Variants in MYO16 observed in about 807,000 individuals in gnomAD.
The protein encoded by MYO16 is myosin XVI.
A neutral mutation model predicts 205.3 loss-of-function variants in MYO16; 94 were observed. The observed-to-expected ratio is 0.46, with a 90% confidence interval of 0.39 to 0.54. MYO16 has a LOEUF of 0.54. Among genes scored for constraint, MYO16 ranks in the 20% least tolerant of loss-of-function variants. MYO16 has a pLI of 0.00. For synonymous variants in MYO16, 988 were observed against 954.0 expected (o/e 1.04, Z -0.66); for missense variants, 2,315 against 2,387.5 (o/e 0.97, Z 0.63).
At chr13:109,176,577 T>TTAAAAAAAAAAAAAAAA (rs1879189364) in intron 33 of MYO16, among the ~76,000 whole-genome samples, 4 of 44,942 alleles carry the variant, frequency 8.9e-5, no homozygotes, top group Non-Finnish European at 1.1e-4. Flanking sequence ...ATTGTGCTGG[T>TTAAAAAAAAAAAAAAAA]AAAAAAAAAA....
At chr13:108,663,516 A>G (rs1348824649) in intron 1 of MYO16, among the ~76,000 whole-genome samples, 1 of 152,216 alleles carries the variant, frequency 6.6e-6, no homozygotes, top group East Asian at 1.9e-4. Flanking sequence ...TACATTAAAA[A>G]TCAAGATTTG....
At chr13:108,878,264 A>T (rs894808732) in intron 12 of MYO16, among the ~76,000 whole-genome samples, 3 of 152,088 alleles carry the variant, frequency 2.0e-5, no homozygotes, top group African/African-American at 7.2e-5. Context: ...CCATGACCCC[A>T]TCCTGTACCC....
intron 28 of MYO16, among the ~76,000 whole-genome samples, chr13:109,102,473 T>C (rs1246370051): frequency 7.7e-6 from 1 of 129,734 alleles, no homozygotes; most frequent in African/African-American, 2.9e-5. Flanking sequence ...CATATATGTA[T>C]ATGTATGTGT....
At chr13:109,165,515 C>T (rs976667423) in intron 33 of MYO16, among the ~76,000 whole-genome samples, 6 of 152,148 alleles carry the variant, frequency 3.9e-5, no homozygotes, top group African/African-American at 1.2e-4. Flanking sequence ...CTGAGGATCA[C>T]GCAAGTATTT....
chr13:108,958,372 C>T (rs900515263), intron 17 of MYO16, among the ~76,000 whole-genome samples: 3 of 151,722 alleles, frequency 2.0e-5, no homozygotes, highest in African/African-American at 7.3e-5. Context: ...TGAAAATTAA[C>T]ATAATCACCT....
At chr13:108,764,574 C>G (rs1195660881) in intron 4 of MYO16, among the ~76,000 whole-genome samples, 1 of 152,082 alleles carries the variant, frequency 6.6e-6, no homozygotes, top group African/African-American at 2.4e-5. Flanking sequence ...TGGTACGTAT[C>G]AGGGGAGATG....
the MYO16 span, among the ~76,000 whole-genome samples, chr13:108,576,454 T>C: frequency 6.6e-6 from 1 of 152,002 alleles, no homozygotes; most frequent in Non-Finnish European, 1.5e-5. Flanking sequence ...ACTGAAGGAG[T>C]GAAATGGAAG....
intron 23 of MYO16, among the ~76,000 whole-genome samples, chr13:109,023,272 AAT>A (rs1298953839): frequency 0.014 from 632 of 44,284 alleles, 14 homozygotes; most frequent in East Asian, 0.058. Context: ...TACAGATATA[AAT>A]ATATATATTT....
At chr13:109,172,556 A>T (rs569810374) in intron 33 of MYO16, among the ~76,000 whole-genome samples, 1 of 152,306 alleles carries the variant, frequency 6.6e-6, no homozygotes, top group East Asian at 1.9e-4. Context: ...TTAAGGCATC[A>T]TTCTGCCTGG....
At chr13:108,655,535 C>T (rs1881204279) in intron 1 of MYO16, among the ~76,000 whole-genome samples, 1 of 152,166 alleles carries the variant, frequency 6.6e-6, no homozygotes, top group Non-Finnish European at 1.5e-5. Context: ...GGGTCAGAGC[C>T]TCCACTGGGG....
chr13:108,719,088 G>A (rs749662147), intron 3 of MYO16, among the ~76,000 whole-genome samples: 4 of 152,024 alleles, frequency 2.6e-5, no homozygotes, highest in Admixed American at 6.6e-5. Context: ...TTTGTGTTTC[G>A]TTTTGTTTTT....
At chr13:108,519,914 G>A in the MYO16 span, among the ~76,000 whole-genome samples, 4 of 152,066 alleles carry the variant, frequency 2.6e-5, no homozygotes, top group Admixed American at 6.6e-5. Context: ...AATACTGTTC[G>A]TGTTTTAAAT....
At chr13:109,177,456 CTGAG>C (rs1879254603) in intron 33 of MYO16, among the ~76,000 whole-genome samples, 1 of 152,138 alleles carries the variant, frequency 6.6e-6, no homozygotes, top group Non-Finnish European at 1.5e-5. Flanking sequence ...ACCCTTTCAA[CTGAG>C]TTTCTGTTTT....
chr13:109,002,616 G>A lies in MYO16; in HGVS notation c.2443-6281G>A, dbSNP rs187225537. 3.3e-5 allele frequency among the ~76,000 whole-genome samples: 5 copies of A among 152,184 alleles called. No homozygotes were observed. In the East Asian group the frequency reaches 5.8e-4, roughly 18 times the overall value. ...TTCACGTCTACTCTGAGGAATACCCGGAGATCTAATTGAACCCCAAAACAA... is the reference window on the plus strand; with the variant it reads ...TTCACGTCTACTCTGAGGAATACCCAGAGATCTAATTGAACCCCAAAACAA... On this transcript the variant is annotated intron_variant, in intron 21 of 34. Transcript: ENST00000457511.
At chr13:108,730,569 A>C (rs1594246604) in intron 4 of MYO16, among the ~76,000 whole-genome samples, 1 of 152,178 alleles carries the variant, frequency 6.6e-6, no homozygotes, top group Admixed American at 6.5e-5. Flanking sequence ...TAACAACATA[A>C]TTATAAAAAT....
intron 1 of MYO16, among the ~76,000 whole-genome samples, chr13:108,634,677 A>G (rs1030535518): frequency 2.6e-5 from 4 of 152,008 alleles, no homozygotes; most frequent in Non-Finnish European, 4.4e-5. Flanking sequence ...GCAAAATCCA[A>G]TGGACACTAG....
chr13:108,981,407 A>G (rs1884443425), intron 20 of MYO16, among the ~76,000 whole-genome samples: 1 of 152,260 alleles, frequency 6.6e-6, no homozygotes. Flanking sequence ...CATGTACAAT[A>G]TAAGTTTGAT....
At chr13:108,937,891 A>G (rs1461603036) in intron 16 of MYO16, among the ~76,000 whole-genome samples, 1 of 152,010 alleles carries the variant, frequency 6.6e-6, no homozygotes, top group South Asian at 2.1e-4. Context: ...CTGACTTTCC[A>G]TTTTTGTTAG....
intron 13 of MYO16, chr13:108,886,433 T>C: frequency 2.2e-6 from 1 of 456,200 alleles, no homozygotes; most frequent in Non-Finnish European, 4.4e-6. Context: ...CCTCACGACC[T>C]GGAAAAATGA....
Sources: allele counts gnomAD v4.1 joint callset (sites outside exome capture counted in the v4.1 genomes callset), GRCh38; gene constraint gnomAD v4.1.1; transcripts MANE v1.5; gene names NCBI Gene and HGNC (gene_info 2026-07-23, HGNC 2026-07-21).